The following WWOX variants were observed in gnomAD, a reference collection of about 807,000 sequenced individuals.
The protein encoded by WWOX is WW domain-containing oxidoreductase.
WWOX carries 69 observed loss-of-function variants against 46.2 expected under a neutral mutation model. That is an observed-to-expected ratio of 1.49 (90% CI 1.23 to 1.82). The LOEUF (loss-of-function observed/expected upper bound fraction) is 1.82. Among genes scored for constraint, WWOX ranks in the 40% most tolerant of loss-of-function variants. The pLI, the probability that WWOX is intolerant of heterozygous loss-of-function variation, is 0.00. For synonymous variants in WWOX, 359 were observed against 202.6 expected, an observed-to-expected ratio of 1.77 and a Z score of -6.56; for missense variants, 919 against 542.6, an observed-to-expected ratio of 1.69 and a Z score of -6.89.
intron 8 of WWOX, chr16:79,205,306 A>ATG (rs1387714141): frequency 2.6e-5 from 4 of 152,166 alleles, no homozygotes; most frequent in African/African-American, 7.2e-5. Context: ...CACTGTCCCT[A>ATG]GTGTCACCTG....
chr16:78,249,904 G>A (rs191157946), intron 5 of WWOX, among the ~76,000 whole-genome samples: 4 of 152,256 alleles, frequency 2.6e-5, no homozygotes, highest in African/African-American at 7.2e-5. Flanking sequence ...AGGAAAGGGC[G>A]AGTGAGATAG....
intron 6 of WWOX, among the ~76,000 whole-genome samples, chr16:78,397,491 C>G (rs537327634): frequency 6.6e-6 from 1 of 152,336 alleles, no homozygotes; most frequent in Non-Finnish European, 1.5e-5. Context: ...CAACCAAGTT[C>G]ATGCTAGCTG....
chr16:78,974,732 C>G (rs8055295), intron 8 of WWOX, among the ~76,000 whole-genome samples: 65,775 of 151,956 alleles, frequency 0.43, 14,404 homozygotes, highest in East Asian at 0.56. Context: ...AACCCCAAGA[C>G]CCACACTTGG....
intron 8 of WWOX, among the ~76,000 whole-genome samples, chr16:78,806,983 C>G (rs1465185627): frequency 3.3e-5 from 5 of 152,194 alleles, no homozygotes; most frequent in Admixed American, 3.3e-4. Flanking sequence ...TGGGTCTTAG[C>G]ATGCTCATCT....
At chr16:78,446,434 A>G (rs2083562648) in intron 8 of WWOX, among the ~76,000 whole-genome samples, 1 of 152,132 alleles carries the variant, frequency 6.6e-6, no homozygotes, top group South Asian at 2.1e-4. Context: ...CGGTTGTTGC[A>G]AGGACTAAAA....
At chr16:78,596,660 C>A (rs76632619) in intron 8 of WWOX, among the ~76,000 whole-genome samples, 1 of 152,122 alleles carries the variant, frequency 6.6e-6, no homozygotes, top group Non-Finnish European at 1.5e-5. Flanking sequence ...AGAACACGGA[C>A]TGTGTCATTG....
chr16:78,978,537 C>A (rs998057841), intron 8 of WWOX, among the ~76,000 whole-genome samples: 1 of 152,138 alleles, frequency 6.6e-6, no homozygotes. Context: ...ATGCCTGAGA[C>A]TGGGTAATGG....
At position 79,047,741 on chromosome 16, in the gene WWOX, C is replaced by A. The variant is rs537406458; in HGVS notation, c.1057-163867C>A. ...TTTGGGTGATGCAGATGGAAGGTAA[C>A]GTCACAGGGCAGCTGTATTCCAGGT... is the stretch of plus-strand genomic sequence containing the variant. On this transcript the variant is annotated intron_variant, in intron 8 of 8. Coordinates refer to ENST00000566780, the MANE Select transcript of WWOX (RefSeq NM_016373.4). Among the ~76,000 whole-genome samples the A allele has an allele frequency of 3.3e-5, 4 of 121,762 alleles. No individual in the cohort carries two copies. In the South Asian group the frequency reaches 1.1e-3, roughly 35 times the overall value. The allele number at this position is 121,762 out of a possible 152,430, so 79.9% of individuals were successfully genotyped here. A position where few individuals can be genotyped will look rare whatever the true frequency, so the allele number is the denominator to read the frequency against.
intron 5 of WWOX, among the ~76,000 whole-genome samples, chr16:78,173,264 C>A (rs1037136511): frequency 1.3e-5 from 2 of 152,076 alleles, no homozygotes; most frequent in African/African-American, 4.8e-5. Context: ...CACTCGGTGT[C>A]CCTGGGCAAA....
intron 5 of WWOX, among the ~76,000 whole-genome samples, chr16:78,218,097 C>G (rs1333729092): frequency 6.6e-6 from 1 of 152,004 alleles, no homozygotes; most frequent in African/African-American, 2.4e-5. Flanking sequence ...TCTTGTCACC[C>G]AGGCTAGAAT....
intron 8 of WWOX, among the ~76,000 whole-genome samples, chr16:78,753,352 A>C (rs1031371920): frequency 6.6e-6 from 1 of 152,136 alleles, no homozygotes; most frequent in Non-Finnish European, 1.5e-5. Context: ...AGAACCTCTT[A>C]GGCAACTCTC....
intron 3 of WWOX, among the ~76,000 whole-genome samples, chr16:78,114,499 C>T (rs1378016969): frequency 2.0e-5 from 3 of 152,098 alleles, no homozygotes; most frequent in East Asian, 1.9e-4. Flanking sequence ...AAATGAAAAT[C>T]GTTAGAATTT....
chr16:79,018,905 C>G (rs1040455286), intron 8 of WWOX, among the ~76,000 whole-genome samples: 6 of 152,108 alleles, frequency 3.9e-5, no homozygotes, highest in Non-Finnish European at 5.9e-5. Context: ...AATCCCAACA[C>G]TTTGGGAGGA....
intron 8 of WWOX, among the ~76,000 whole-genome samples, chr16:78,482,227 A>C (rs2084511719): frequency 1.3e-5 from 2 of 151,798 alleles, no homozygotes; most frequent in African/African-American, 4.8e-5. Context: ...ATGTCAAATA[A>C]CTCCATAATT....
intron 6 of WWOX, among the ~76,000 whole-genome samples, chr16:78,405,148 A>G (rs1378351658): frequency 3.9e-5 from 6 of 152,184 alleles, no homozygotes; most frequent in Non-Finnish European, 8.8e-5. Flanking sequence ...GACAAAAACA[A>G]GAGTATTTCC....
chr16:78,920,314 C>A (rs1055993330), intron 8 of WWOX, among the ~76,000 whole-genome samples: 3 of 152,152 alleles, frequency 2.0e-5, no homozygotes, highest in African/African-American at 7.2e-5. Context: ...GTGTAATCTC[C>A]CCATAGCTGG....
At chr16:78,566,931 G>C (rs755245920) in intron 8 of WWOX, among the ~76,000 whole-genome samples, 4 of 152,158 alleles carry the variant, frequency 2.6e-5, no homozygotes, top group Non-Finnish European at 4.4e-5. Flanking sequence ...CAGCAGTATC[G>C]ATAGCAATCA....
intron 8 of WWOX, among the ~76,000 whole-genome samples, chr16:79,056,238 A>G (rs1460395354): frequency 1.3e-5 from 2 of 150,962 alleles, no homozygotes; most frequent in Non-Finnish European, 3.0e-5. Context: ...AAAAAAATTC[A>G]GCATTTCTTT....
Position 78,264,010 on chromosome 16 carries a change from TTTTTTG to T in WWOX, c.516+99727_516+99732del, listed in dbSNP as rs1176202445. On this transcript the variant is annotated intron_variant, in intron 5 of 8. Coordinates refer to ENST00000566780, the MANE Select transcript of WWOX (RefSeq NM_016373.4). ...GGCTGTGAAATCTTTTTTTTTTTTTTTTTTTGTTTTTTTGCTGTGGAGCGCAAAATG... is the reference window on the plus strand; with the variant it reads ...GGCTGTGAAATCTTTTTTTTTTTTTTTTTTTTTGCTGTGGAGCGCAAAATG... 1.3e-3 allele frequency among the ~76,000 whole-genome samples: 176 copies of T among 139,760 alleles called. 12 individuals are homozygous for T. The highest frequency in any genetic ancestry group is 3.8e-3 in the East Asian group (17 of 4,480). 91.7% of individuals were successfully genotyped at this position (139,760 alleles called of 152,430 possible).
Sources: gnomAD v4.1 joint callset for allele counts (sites outside exome capture counted in the v4.1 genomes callset) on GRCh38, gnomAD v4.1.1 for gene constraint, MANE v1.5 for transcripts, NCBI Gene and HGNC (gene_info 2026-07-23, HGNC 2026-07-21) for gene names.